Variants in ANKHD1 observed in about 807,000 individuals in gnomAD.
ANKHD1 encodes ankyrin repeat and KH domain-containing protein 1.
In ANKHD1, 31 loss-of-function variants were observed where a neutral mutation model predicts 230.5. The observed-to-expected ratio is 0.13, with a 90% CI of 0.10 to 0.18. The LOEUF (loss-of-function observed/expected upper bound fraction) is 0.18, where lower values mean the gene tolerates loss of function less well. ANKHD1 is among the 10% of genes least tolerant of loss of function. The pLI, the probability that ANKHD1 is intolerant of heterozygous loss-of-function variation, is 1.00. For synonymous variants in ANKHD1, 1,074 were observed against 1,117.6 expected (o/e 0.96, Z 0.78); for missense variants, 2,256 against 3,071.3 (o/e 0.73, Z 6.27).
chr5:140,422,130 T>TCAATCAA (rs1414212248), intron 1 of ANKHD1, among the ~76,000 whole-genome samples: 1 of 152,100 alleles, frequency 6.6e-6, no homozygotes, highest in African/African-American at 2.4e-5. Context: ...TTAGAGTGGA[T>TCAATCAA]TGATTGATTG....
rs73265799 is a variant in ANKHD1 at position 140,495,150 on chromosome 5, T to C, written c.2246-1370T>C. On this transcript the variant is annotated intron_variant, in intron 14 of 33. Transcript: ENST00000360839. ...GTGGAATTACACAATGTGTGGTCTTTTGTGTCTAGCTTCTTTCACTTAGTA... is the reference window on the plus strand; with the variant it reads ...GTGGAATTACACAATGTGTGGTCTTCTGTGTCTAGCTTCTTTCACTTAGTA... Among the ~76,000 whole-genome samples, 299 of 152,348 alleles carry C rather than the reference T, an allele frequency of 2.0e-3. 1 individual carries two copies. Among genetic ancestry groups the C allele is most frequent in the African/African-American group, 6.9e-3 (288 of 41,578 alleles).
At position 140,496,740 on chromosome 5, in the gene ANKHD1, G is replaced by A; in HGVS notation, c.2466G>A (p.Lys822=). The part of the protein sequence containing the change: ...LNKDKIEELK[K]NREEQVQKKK... ...AAGATAAGATAGAAGAACTTAAAAA[G>A]AACAGAGAAGAGCAAGTCCAGAAGA... Residue 822 remains lysine, a synonymous_variant, in exon 15 of 34, where the codon AAG becomes AAA. Transcript: ENST00000360839. 6.2e-7 allele frequency: 1 copy of A among 1,613,714 alleles called. No homozygotes were observed. Among genetic ancestry groups the A allele is most frequent in the Non-Finnish European group, 8.5e-7 (1 of 1,179,942 alleles).
intron 6 of ANKHD1, 41 bp from the exon 7 acceptor site, chr5:140,449,170 T>G: frequency 6.5e-7 from 1 of 1,548,044 alleles, no homozygotes. Flanking sequence ...AATATTAAAC[T>G]GATAGTGAAT....
At chr5:140,410,735 T>A (rs2126846634) in intron 1 of ANKHD1, among the ~76,000 whole-genome samples, 1 of 152,334 alleles carries the variant, frequency 6.6e-6, no homozygotes, top group East Asian at 1.9e-4. Flanking sequence ...CTATCTCATC[T>A]CATTTTTAGG....
Position 140,506,527 on chromosome 5 carries a change from C to A in ANKHD1, c.3409-308C>A, listed in dbSNP as rs918058431. Among the ~76,000 whole-genome samples, 2 of 152,208 alleles carry A rather than the reference C, an allele frequency of 1.3e-5. No individual in the cohort carries two copies. The highest frequency in any genetic ancestry group is 2.9e-5 in the Non-Finnish European group (2 of 68,034). ...CAAATAAAAATTATCTTAATCCTTACATTTATTCGGATTGAATGAATCACA... is the reference window on the plus strand; with the variant it reads ...CAAATAAAAATTATCTTAATCCTTAAATTTATTCGGATTGAATGAATCACA... On this transcript the variant is annotated intron_variant, in intron 18 of 33. Transcript: ENST00000360839. This position sits in a 1 kb window ranked among gnomAD's most constrained non-coding sequence, Gnocchi z 4.7.
At chr5:140,512,732 T>C in intron 22 of ANKHD1, 96 bp from the exon 23 acceptor site, 1 of 1,151,912 alleles carries the variant, frequency 8.7e-7, no homozygotes, top group Non-Finnish European at 1.2e-6. Context: ...ATCAAGGGAT[T>C]CCTTTGTAAT....
rs1292665298 is a variant in ANKHD1 at position 140,539,353 on chromosome 5, T to C, written c.7570-6T>C. On this transcript the variant is annotated splice_polypyrimidine_tract_variant and splice_region_variant and intron_variant, in intron 33 of 33. Transcript: ENST00000360839. ...AGAAATTCCAATTTTTCCTCCCCCT[T>C]TTCAGATTTGGCCTGGCACGTGGGC... The C allele has an allele frequency of 6.2e-7, 1 of 1,613,422 alleles. No individual in the cohort carries two copies. The highest frequency in any genetic ancestry group is 2.2e-5 in the East Asian group (1 of 44,874).
At chr5:140,445,331 C>T (rs943534860) in intron 5 of ANKHD1, among the ~76,000 whole-genome samples, 2 of 151,834 alleles carry the variant, frequency 1.3e-5, no homozygotes, top group Non-Finnish European at 2.9e-5. Context: ...ATGGTGAAAC[C>T]CTGTCTCTCC....
Position 140,510,022 on chromosome 5 carries a change from A to G in ANKHD1, c.3945A>G (p.Gly1315=), listed in dbSNP as rs778362146. 4.3e-6 allele frequency: 7 copies of G among 1,612,096 alleles called. No individual in the cohort carries two copies. The highest frequency in any genetic ancestry group is 1.7e-6 in the Non-Finnish European group (2 of 1,178,630). Residue 1315 remains glycine (G), a synonymous_variant, in exon 22 of 34, where the codon GGA becomes GGG. Transcript: ENST00000360839. The stretch of plus-strand genomic sequence containing the variant: ...TATTAATATGCCTTGTTTACAGGGG[A>G]GCCCACATTGATGTTCGTAACAAAA... The part of the protein sequence containing the change: ...YKFCELLIHR[G]AHIDVRNKKG...
chr5:140,520,641 A>G (rs899894424), intron 24 of ANKHD1, among the ~76,000 whole-genome samples: 36 of 151,998 alleles, frequency 2.4e-4, no homozygotes, highest in Non-Finnish European at 4.9e-4. Context: ...GACATGGATG[A>G]AATTGGAAAT....
intron 22 of ANKHD1, among the ~76,000 whole-genome samples, chr5:140,511,269 A>T (rs904856716): frequency 6.6e-6 from 1 of 152,014 alleles, no homozygotes. Flanking sequence ...CTTCATGTCA[A>T]CCTCCCCATA....
At chr5:140,437,402 A>G (rs1466123886) in intron 2 of ANKHD1, among the ~76,000 whole-genome samples, 1 of 152,224 alleles carries the variant, frequency 6.6e-6, no homozygotes, top group Admixed American at 6.5e-5. Flanking sequence ...ATACATTTGC[A>G]TTTAAAATTT....
At chr5:140,428,780 A>C (rs1014404195) in intron 1 of ANKHD1, among the ~76,000 whole-genome samples, 6 of 151,540 alleles carry the variant, frequency 4.0e-5, no homozygotes, top group Admixed American at 2.6e-4. Context: ...TATTCTTTTT[A>C]TTTTTATTTT....
rs1460803382 is a variant in ANKHD1 at position 140,497,252 on chromosome 5, C to T, written c.2978C>T (p.Thr993Ile). The change falls in exon 15 of 34, where the codon ACC (threonine) becomes ATC (isoleucine). Residue 993 changes from threonine (T) to isoleucine (I), a missense_variant. Coordinates refer to ENST00000360839, the MANE Select transcript of ANKHD1 (RefSeq NM_017747.3). ...GTTGCAACTCCAGCTCAGACGCTTACCGACACTCTTGATGACCTGATAGCA... is the reference window on the plus strand; with the variant it reads ...GTTGCAACTCCAGCTCAGACGCTTATCGACACTCTTGATGACCTGATAGCA... ...LMVATPAQTLTDTLDDLIAAV... is the reference protein window; with the variant it reads ...LMVATPAQTLIDTLDDLIAAV... The T allele has an allele frequency of 1.2e-6, 2 of 1,605,476 alleles. No individual in the cohort carries two copies. The highest frequency in any genetic ancestry group is 1.7e-6 in the Non-Finnish European group (2 of 1,179,774).
Position 140,535,437 on chromosome 5 carries a change from C to G in ANKHD1, c.6926C>G (p.Pro2309Arg). The change falls in exon 30 of 34, where the codon CCA becomes CGA. Residue 2309 changes from proline (P) to arginine (R), a missense_variant. By Grantham distance (103) the Pro-to-Arg change is moderately radical. Around this residue, in one of 13 missense-constraint regions of ANKHD1, gnomAD observed 778 missense variants for 966.5 expected, o/e 0.80. Coordinates refer to ENST00000360839, the MANE Select transcript of ANKHD1 (RefSeq NM_017747.3). ...CCTCTGGCAAGTTTTTCCGGCATACCAGGAACAAGGGTTTTCCTGCAAGGG... is the reference window on the plus strand; with the variant it reads ...CCTCTGGCAAGTTTTTCCGGCATACGAGGAACAAGGGTTTTCCTGCAAGGG... ...SAPLASFSGI[P>R]GTRVFLQGPA... 6.2e-7 allele frequency: 1 copy of G among 1,613,690 alleles called. No individual in the cohort carries two copies. Among genetic ancestry groups the G allele is most frequent in the South Asian group, 1.1e-5 (1 of 91,024 alleles).
At chr5:140,475,164 T>C (rs1406723434) in intron 10 of ANKHD1, among the ~76,000 whole-genome samples, 2 of 152,166 alleles carry the variant, frequency 1.3e-5, no homozygotes, top group African/African-American at 2.4e-5. Flanking sequence ...TACAAATGAC[T>C]TCAGTCAAGA....
intron 10 of ANKHD1, among the ~76,000 whole-genome samples, chr5:140,481,627 TTC>T (rs1195822089): frequency 6.6e-6 from 1 of 152,038 alleles, no homozygotes; most frequent in Admixed American, 6.6e-5. Flanking sequence ...CTAAATTGTA[TTC>T]TATTGGGAGA....
Position 140,526,004 on chromosome 5 carries a change from G to C in ANKHD1, c.4501G>C (p.Glu1501Gln), listed in dbSNP as rs1212745822. Residue 1501 changes from glutamate to glutamine, a missense_variant, in exon 26 of 34, where the codon GAA becomes CAA. Physicochemically the swap from Glu to Gln is conservative, Grantham distance 29 (BLOSUM62 2). This residue lies in a region of ANKHD1 where 212 missense variants were observed against 257.3 expected (regional missense o/e 0.82). Transcript: ENST00000360839. Reference sequence around the variant, plus strand: ...CTTTTTAACAATTTCAGTGGAGCAAGAAGTTCCCATAGAACCTCCTAGTGC... The same window carrying C: ...CTTTTTAACAATTTCAGTGGAGCAACAAGTTCCCATAGAACCTCCTAGTGC... ...EEENDEDVEQ[E>Q]VPIEPPSATT... 2 of 1,570,684 alleles carry C rather than the reference G, an allele frequency of 1.3e-6. No individual in the cohort carries two copies. The highest frequency in any genetic ancestry group is 1.7e-6 in the Non-Finnish European group (2 of 1,165,360).
At chr5:140,521,206 GA>G (rs1753334633) in intron 24 of ANKHD1, among the ~76,000 whole-genome samples, 1 of 152,156 alleles carries the variant, frequency 6.6e-6, no homozygotes, top group African/African-American at 2.4e-5. Context: ...CTAAAATTTT[GA>G]CAGCAAATTT....
Sources: allele counts gnomAD v4.1 joint callset (sites outside exome capture counted in the v4.1 genomes callset), GRCh38; gene constraint gnomAD v4.1.1; regional missense constraint gnomAD v4.1.1; non-coding constraint Gnocchi (gnomAD v3.1); transcripts MANE v1.5; gene names NCBI Gene and HGNC (gene_info 2026-07-23, HGNC 2026-07-21).